Variants in ZNF112 observed in about 807,000 individuals in gnomAD.
ZNF112 encodes the protein zinc finger protein 112 (Y14).
ZNF112 carries 37 observed loss-of-function variants against 77.7 expected under a neutral mutation model. The ratio of observed to expected loss-of-function variants is 0.48; its 90% CI spans 0.37 to 0.63. The LOEUF (loss-of-function observed/expected upper bound fraction) is 0.63, where lower values mean the gene tolerates loss of function less well. Among genes scored for constraint, ZNF112 ranks in the 20% least tolerant of loss-of-function variants. ZNF112 has a pLI of 0.00. For missense variants in ZNF112, 950 were observed against 1,077.4 expected (o/e 0.88, Z 1.66); for synonymous variants, 333 against 363.6 (o/e 0.92, Z 0.96).
At position 44,329,128 on chromosome 19, in the gene ZNF112, A is replaced by G. The variant is rs371661688; in HGVS notation, c.1029T>C (p.Tyr343=). The G allele has an allele frequency of 9.4e-5, 151 of 1,613,824 alleles. No homozygotes were observed. The Middle Eastern group carries it at 9.9e-4, about 11-fold the overall frequency. Reference sequence around the variant, plus strand: ...ACATCTCACCTGTGTGGATAAGTTCATAAGTGTTAAGAGGGGAACAGTGAT... The same window carrying G: ...ACATCTCACCTGTGTGGATAAGTTCGTAAGTGTTAAGAGGGGAACAGTGAT... The part of the protein sequence containing the change: ...NFNHCSPLNT[Y]ELIHTGEMSY... Residue 343 remains tyrosine, a synonymous_variant, in exon 4 of 4, where the codon TAT becomes TAC. Transcript: ENST00000354340.
In ZNF112 at chr19:44,327,713, T is replaced by G. The variant is rs370966190; in HGVS notation, c.2444A>C (p.Gln815Pro). 8.7e-6 allele frequency: 14 copies of G among 1,613,702 alleles called. No individual in the cohort carries two copies. The highest frequency in any genetic ancestry group is 1.7e-6 in the Non-Finnish European group (2 of 1,179,914). ...TCCTGTGTGGACTCTGTGATGGGCTTGAAGACTTGAATACCCACTGAAACC... is the reference window on the plus strand; with the variant it reads ...TCCTGTGTGGACTCTGTGATGGGCTGGAAGACTTGAATACCCACTGAAACC... Reference protein sequence around the residue: ...GKGFSGYSSLQAHHRVHTGEK... With the variant: ...GKGFSGYSSLPAHHRVHTGEK... Residue 815 changes from glutamine to proline, a missense_variant, in exon 4 of 4, where the codon CAA (glutamine) becomes CCA (proline). Physicochemically the swap from Gln to Pro is moderately conservative, Grantham distance 76. This residue lies in a region of ZNF112 where 373 missense variants were observed against 482.8 expected (regional missense o/e 0.77). Coordinates refer to ENST00000354340, the MANE Select transcript of ZNF112 (RefSeq NM_013380.4).
At chr19:44,359,312 GTTCTTTTTT>G (rs1970830245), upstream of ZNF112, among the ~76,000 whole-genome samples, 8 of 101,492 alleles carry the variant, frequency 7.9e-5, no homozygotes, top group Admixed American at 2.2e-4. Flanking sequence ...ATATATTAGA[GTTCTTTTTT>G]TTTTTTTTTT....
In ZNF112 at chr19:44,336,613, C is replaced by T; in HGVS notation, c.220+10G>A. 6.2e-7 allele frequency: 1 copy of T among 1,609,276 alleles called. No homozygotes were observed. The highest frequency in any genetic ancestry group is 8.5e-7 in the Non-Finnish European group (1 of 1,175,570). Reference sequence around the variant, plus strand: ...CCCTGGCTGCTGTGTTCCTGCAGCACAGTTCTCACCTGAACATCCATCTCT... The same window carrying T: ...CCCTGGCTGCTGTGTTCCTGCAGCATAGTTCTCACCTGAACATCCATCTCT... On this transcript the variant is annotated intron_variant, in intron 3 of 3. Coordinates refer to ENST00000354340, the MANE Select transcript of ZNF112 (RefSeq NM_013380.4).
At chr19:44,353,289 A>G (rs903957788) in intron 1 of ZNF112, among the ~76,000 whole-genome samples, 11 of 152,268 alleles carry the variant, frequency 7.2e-5, no homozygotes, top group Non-Finnish European at 1.5e-4. Flanking sequence ...GTGTAAAACC[A>G]TAAAACTTCT....
intron 1 of ZNF112, among the ~76,000 whole-genome samples, chr19:44,348,162 T>C (rs919069179): frequency 6.6e-6 from 1 of 152,160 alleles, no homozygotes; most frequent in African/African-American, 2.4e-5. Context: ...GATTATGATG[T>C]ATCCAGAAGT....
chr19:44,328,748 C>G lies in ZNF112; in HGVS notation c.1409G>C (p.Cys470Ser). Reference sequence around the variant, plus strand: ...TAAATTATGGCTGAAGCTGTTACTACACACATAGCGTTTATATGGTTGTTC... The same window carrying G: ...TAAATTATGGCTGAAGCTGTTACTAGACACATAGCGTTTATATGGTTGTTC... ...TKEQPYKRYVCSNSFSHNLYL... is the reference protein window; with the variant it reads ...TKEQPYKRYVSSNSFSHNLYL... The change falls in exon 4 of 4, where the codon TGT (cysteine) becomes TCT (serine). Residue 470 changes from cysteine (C) to serine (S), a missense_variant. By Grantham distance (112) the Cys-to-Ser change is moderately radical. Around this residue, in one of 3 missense-constraint regions of ZNF112, gnomAD observed 560 missense variants for 557.3 expected, o/e 1.00. Coordinates refer to ENST00000354340, the MANE Select transcript of ZNF112 (RefSeq NM_013380.4). 6.2e-7 allele frequency: 1 copy of G among 1,614,032 alleles called. No individual in the cohort carries two copies. The highest frequency in any genetic ancestry group is 8.5e-7 in the Non-Finnish European group (1 of 1,179,954).
At position 44,326,692 on chromosome 19, in the gene ZNF112, T is replaced by C. The variant is rs1289375666; in HGVS notation, c.*741A>G. The C allele has an allele frequency of 5.9e-5, 9 of 152,188 alleles. No individual in the cohort carries two copies. The highest frequency in any genetic ancestry group is 1.0e-4 in the Non-Finnish European group (7 of 68,020). 9.4% of individuals were successfully genotyped at this position (152,188 alleles called of 1,614,324 possible). A position where few individuals can be genotyped will look rare whatever the true frequency, so the allele number is the denominator to read the frequency against. On this transcript the variant is annotated 3_prime_UTR_variant, in exon 4 of 4. Transcript: ENST00000354340. ...TTATGTAAAATACAGTGTTCCATTT[T>C]TGCAACATTAACCAGAAACATTGTT...
chr19:44,363,196 C>T (rs1970870996), intron 1 of ZNF112, among the ~76,000 whole-genome samples: 1 of 151,896 alleles, frequency 6.6e-6, no homozygotes, highest in African/African-American at 2.4e-5. Flanking sequence ...GTCTCAAACT[C>T]CTGGCCTCAA....
At chr19:44,343,726 C>T (rs1970535290) in intron 1 of ZNF112, among the ~76,000 whole-genome samples, 1 of 152,158 alleles carries the variant, frequency 6.6e-6, no homozygotes, top group South Asian at 2.1e-4. Context: ...CTGCAAAATC[C>T]AGACCACACA....
chr19:44,344,081 C>T (rs1028273766), intron 1 of ZNF112, among the ~76,000 whole-genome samples: 1 of 152,132 alleles, frequency 6.6e-6, no homozygotes, highest in Non-Finnish European at 1.5e-5. Context: ...ATCCCTCTTC[C>T]CACAGGGTAC....
intron 3 of ZNF112, among the ~76,000 whole-genome samples, chr19:44,330,800 T>C (rs796809728): frequency 6.6e-6 from 1 of 152,198 alleles, no homozygotes; most frequent in Admixed American, 6.5e-5. Context: ...TTCCAGGAGA[T>C]CTGAAGGGGA....
At chr19:44,351,765 A>G (rs1970696953) in intron 1 of ZNF112, among the ~76,000 whole-genome samples, 1 of 152,128 alleles carries the variant, frequency 6.6e-6, no homozygotes, top group Non-Finnish European at 1.5e-5. Context: ...AAGATTAGTA[A>G]AAATTAAACT....
rs1970894231 is a variant in ZNF112, at chr19:44,365,451, C to A, written c.17+1630G>T. ...CTCCAGCCTGTGTGACACAGCAAGA[C>A]CCTCTCTCAAAAAAAATTATATATA... On this transcript the variant is annotated intron_variant, in intron 1 of 4. Coordinates refer to the ZNF112 transcript ENST00000588057. Among the ~76,000 whole-genome samples the A allele has an allele frequency of 2.1e-5, 3 of 144,096 alleles. No individual in the cohort carries two copies. The South Asian group carries it at 7.1e-4, about 34-fold the overall frequency. The allele number at this position is 144,096 out of a possible 152,430, so 94.5% of individuals were successfully genotyped here.
chr19:44,339,197 A>G (rs746510412), intron 2 of ZNF112, among the ~76,000 whole-genome samples: 9 of 152,242 alleles, frequency 5.9e-5, no homozygotes, highest in Non-Finnish European at 1.0e-4. Context: ...ACTGTGCAGT[A>G]AAGGAAAGAG....
At position 44,365,012 on chromosome 19, in the gene ZNF112, G is replaced by GTTCCC. The variant is rs1970889402; in HGVS notation, c.17+2064_17+2068dup. On this transcript the variant is annotated intron_variant, in intron 1 of 4. Coordinates refer to the ZNF112 transcript ENST00000588057. ...TGAGACAAGCTGGGGGTGGGTGGGT[G>GTTCCC]TTCCCTTCCCTTTTCGTTTCTGGGT... 2.8e-5 allele frequency among the ~76,000 whole-genome samples: 4 copies of GTTCCC among 143,964 alleles called. No homozygotes were observed. The South Asian group carries it at 6.2e-4, about 22-fold the overall frequency. 94.4% of individuals were successfully genotyped at this position (143,964 alleles called of 152,430 possible).
chr19:44,358,887 G>A (rs1970825804), upstream of ZNF112, among the ~76,000 whole-genome samples: 2 of 152,170 alleles, frequency 1.3e-5, no homozygotes, highest in African/African-American at 4.8e-5. Flanking sequence ...ATCTGGTTCT[G>A]TGTTGGGCAA....
intron 3 of ZNF112, among the ~76,000 whole-genome samples, 159 bp downstream of exon 3, chr19:44,336,464 A>G (rs1246855979): frequency 6.6e-6 from 1 of 152,204 alleles, no homozygotes; most frequent in Non-Finnish European, 1.5e-5. Context: ...GGTTGAGGGG[A>G]CAGATACCTT....
At chr19:44,362,979 T>A (rs1002930947) in intron 1 of ZNF112, among the ~76,000 whole-genome samples, 27 of 151,930 alleles carry the variant, frequency 1.8e-4, no homozygotes, top group African/African-American at 4.1e-4. Context: ...CTAAAAAAAA[T>A]TTTTTTTGAA....
Position 44,365,000 on chromosome 19 carries a change from G to A in ZNF112, c.17+2081C>T, listed in dbSNP as rs147740305. Reference sequence around the variant, plus strand: ...ATGCTGGCCTCATGAGACAAGCTGGGGGTGGGTGGGTGTTCCCTTCCCTTT... The same window carrying A: ...ATGCTGGCCTCATGAGACAAGCTGGAGGTGGGTGGGTGTTCCCTTCCCTTT... On this transcript the variant is annotated intron_variant, in intron 1 of 4. Coordinates refer to the ZNF112 transcript ENST00000588057. Among the ~76,000 whole-genome samples, 654 of 151,646 alleles carry A rather than the reference G, an allele frequency of 4.3e-3. 2 individuals carry two copies. Among genetic ancestry groups the A allele is most frequent in the African/African-American group, 0.015 (615 of 40,976 alleles).
Sources: allele counts gnomAD v4.1 joint callset (sites outside exome capture counted in the v4.1 genomes callset), GRCh38; gene constraint gnomAD v4.1.1; regional missense constraint gnomAD v4.1.1; transcripts MANE v1.5; gene names NCBI Gene and HGNC (gene_info 2026-07-23, HGNC 2026-07-21).